Variants in AGBL4 observed in about 807,000 individuals in gnomAD.
AGBL4 encodes cytosolic carboxypeptidase 6.
AGBL4 carries 58 observed loss-of-function variants against 66.4 expected under a neutral mutation model. The observed-to-expected ratio is 0.87, with a 90% confidence interval of 0.71 to 1.09. The LOEUF (loss-of-function observed/expected upper bound fraction) is 1.09. AGBL4 is among the 50% of genes least tolerant of loss of function. AGBL4 has a pLI of 0.00. For missense variants in AGBL4, 579 were observed against 631.0 expected, an observed-to-expected ratio of 0.92 and a Z score of 0.88; for synonymous variants, 234 against 222.9, an observed-to-expected ratio of 1.05 and a Z score of -0.44.
intron 4 of AGBL4, among the ~76,000 whole-genome samples, chr1:49,148,371 T>G (rs1646260429): frequency 6.6e-6 from 1 of 152,112 alleles, no homozygotes; most frequent in Non-Finnish European, 1.5e-5. Flanking sequence ...TGCATGTTTC[T>G]CTGAAGTAAA....
At chr1:49,560,987 C>A (rs1305491) in intron 3 of AGBL4, among the ~76,000 whole-genome samples, 11,308 of 152,038 alleles carry the variant, frequency 0.074, 1,332 homozygotes, top group African/African-American at 0.25. Flanking sequence ...GAAAAAGATG[C>A]CAGTGAGAAA....
intron 4 of AGBL4, among the ~76,000 whole-genome samples, chr1:49,104,071 C>T (rs1057060659): frequency 6.6e-6 from 1 of 152,130 alleles, no homozygotes; most frequent in African/African-American, 2.4e-5. Flanking sequence ...AGCACACCTC[C>T]AAACCATGGC....
intron 3 of AGBL4, among the ~76,000 whole-genome samples, chr1:49,268,703 A>G (rs1453864629): frequency 6.6e-6 from 1 of 152,038 alleles, no homozygotes; most frequent in African/African-American, 2.4e-5. Context: ...ATATACTTCT[A>G]TTGGCTTTTG....
intron 6 of AGBL4, among the ~76,000 whole-genome samples, chr1:48,860,626 T>C (rs946854144): frequency 3.3e-5 from 5 of 152,220 alleles, no homozygotes; most frequent in African/African-American, 7.2e-5. Context: ...TCATCCATTG[T>C]AGGTATAGAG....
chr1:48,886,935 A>T (rs1650417757), intron 5 of AGBL4, among the ~76,000 whole-genome samples: 1 of 152,180 alleles, frequency 6.6e-6, no homozygotes. Flanking sequence ...GAGAGGTTTC[A>T]GGATGATGAG....
At chr1:48,765,101 G>A (rs1203417839) in intron 6 of AGBL4, among the ~76,000 whole-genome samples, 1 of 151,536 alleles carries the variant, frequency 6.6e-6, no homozygotes, top group Admixed American at 6.6e-5. Flanking sequence ...TCTCAAAGAT[G>A]CATTACACAT....
chr1:49,570,223 C>T (rs935443435), intron 3 of AGBL4, among the ~76,000 whole-genome samples: 2 of 152,068 alleles, frequency 1.3e-5, no homozygotes, highest in African/African-American at 4.8e-5. Context: ...TCCATTTTCT[C>T]CACACCTTCA....
chr1:49,241,357 C>T (rs1419579902), intron 4 of AGBL4, among the ~76,000 whole-genome samples: 1 of 151,982 alleles, frequency 6.6e-6, no homozygotes, highest in Non-Finnish European at 1.5e-5. Flanking sequence ...ATTATGTTGG[C>T]CTTTTCTCAT....
At chr1:49,506,251 T>G (rs975465651) in intron 3 of AGBL4, among the ~76,000 whole-genome samples, 1 of 152,010 alleles carries the variant, frequency 6.6e-6, no homozygotes, top group African/African-American at 2.4e-5. Context: ...AGAAAAAAAT[T>G]TTACAAAAAT....
chr1:49,910,769 G>A (rs570788430), intron 1 of AGBL4, among the ~76,000 whole-genome samples: 132 of 152,166 alleles, frequency 8.7e-4, no homozygotes, highest in African/African-American at 3.1e-3. Context: ...TGAGCTCAGG[G>A]GTTTGAGACC....
chr1:48,895,028 G>T (rs770066251), intron 5 of AGBL4, among the ~76,000 whole-genome samples: 8 of 152,192 alleles, frequency 5.3e-5, no homozygotes, highest in Non-Finnish European at 8.8e-5. Flanking sequence ...CTTGGACTTA[G>T]CAGACGTACC....
intron 5 of AGBL4, among the ~76,000 whole-genome samples, chr1:49,005,110 C>G (rs1311687580): frequency 1.3e-5 from 2 of 152,124 alleles, no homozygotes; most frequent in African/African-American, 4.8e-5. Flanking sequence ...TAAAAACCAA[C>G]CAAGAATATT....
intron 6 of AGBL4, among the ~76,000 whole-genome samples, chr1:48,775,486 C>T (rs150882132): frequency 1.0e-3 from 152 of 152,260 alleles, no homozygotes; most frequent in Middle Eastern, 3.4e-3. Context: ...CAGTCACTAA[C>T]CCTTCGTGTT....
chr1:48,769,179 T>C (rs1484857188), intron 6 of AGBL4, among the ~76,000 whole-genome samples: 1 of 152,162 alleles, frequency 6.6e-6, no homozygotes, highest in Non-Finnish European at 1.5e-5. Context: ...AGCTGTGTAA[T>C]GTAGGGTAAC....
intron 6 of AGBL4, among the ~76,000 whole-genome samples, chr1:48,834,492 C>A (rs1457158129): frequency 3.3e-5 from 5 of 151,990 alleles, no homozygotes; most frequent in African/African-American, 1.2e-4. Flanking sequence ...TTTGGGAGGT[C>A]TTTAGGTTTA....
At chr1:49,920,951 G>T (rs1215841027) in intron 1 of AGBL4, among the ~76,000 whole-genome samples, 1 of 152,222 alleles carries the variant, frequency 6.6e-6, no homozygotes, top group African/African-American at 2.4e-5. Flanking sequence ...GGACATGGAT[G>T]AAGCCGGAAA....
chr1:49,722,124 G>A (rs1053557645), intron 2 of AGBL4, among the ~76,000 whole-genome samples: 1 of 152,144 alleles, frequency 6.6e-6, no homozygotes, highest in Admixed American at 6.6e-5. Context: ...CTATGAGCAG[G>A]AAGGGAAAGC....
intron 3 of AGBL4, among the ~76,000 whole-genome samples, chr1:49,470,909 C>T (rs1271173674): frequency 6.6e-6 from 1 of 152,056 alleles, no homozygotes; most frequent in Non-Finnish European, 1.5e-5. Context: ...CTGTCTAACA[C>T]TACCGGCTCA....
intron 2 of AGBL4, among the ~76,000 whole-genome samples, chr1:49,719,591 A>G (rs767425240): frequency 2.6e-5 from 4 of 152,118 alleles, no homozygotes; most frequent in Non-Finnish European, 5.9e-5. Flanking sequence ...CTGTATGTTT[A>G]AATAATAACA....
Sources: gnomAD v4.1 joint callset for allele counts (sites outside exome capture counted in the v4.1 genomes callset) on GRCh38, gnomAD v4.1.1 for gene constraint, MANE v1.5 for transcripts, NCBI Gene and HGNC (gene_info 2026-07-23, HGNC 2026-07-21) for gene names.